The following SCAF11 variants were observed in gnomAD, a reference collection of about 807,000 sequenced individuals.
SCAF11 encodes protein SCAF11.
A neutral mutation model predicts 140.5 loss-of-function variants in SCAF11; 47 were observed. That is an observed-to-expected ratio of 0.33 (90% CI 0.26 to 0.43). SCAF11 has a LOEUF of 0.43. Ranked by LOEUF, SCAF11 falls within the 20% of genes least tolerant of loss-of-function variation. SCAF11 has a pLI of 1.00. For missense variants in SCAF11, 1,645 were observed against 1,705.1 expected (o/e 0.96, Z 0.62); for synonymous variants, 557 against 579.4 (o/e 0.96, Z 0.55).
At chr12:45,922,301 T>C in intron 14 of SCAF11, 107 bp from the exon 15 acceptor site, 1 of 1,458,958 alleles carries the variant, frequency 6.9e-7, no homozygotes, top group Middle Eastern at 2.2e-4. Context: ...CAGACTTATT[T>C]TCATGTTTCA....
At chr12:45,948,801 T>C (rs1049067141) in intron 4 of SCAF11, among the ~76,000 whole-genome samples, 1 of 152,088 alleles carries the variant, frequency 6.6e-6, no homozygotes. Context: ...TGTATATACA[T>C]ATAGGACTCA....
intron 1 of SCAF11, among the ~76,000 whole-genome samples, chr12:45,987,413 T>C (rs1258767304): frequency 6.6e-6 from 1 of 152,224 alleles, no homozygotes; most frequent in East Asian, 1.9e-4. Flanking sequence ...GGTTAATTCA[T>C]TAACTTACAC....
chr12:45,956,028 C>T, intron 3 of SCAF11: 1 of 698,140 alleles, frequency 1.4e-6, no homozygotes, highest in Non-Finnish European at 2.6e-6. Context: ...AAAACACACC[C>T]TACTATTCTG....
chr12:45,981,025 T>C (rs902048105), intron 1 of SCAF11, among the ~76,000 whole-genome samples: 2 of 152,162 alleles, frequency 1.3e-5, no homozygotes, highest in Non-Finnish European at 2.9e-5. Flanking sequence ...ATTAACAAAA[T>C]AAAGAAATAT....
intron 1 of SCAF11, among the ~76,000 whole-genome samples, chr12:45,988,020 G>T (rs1946499587): frequency 6.6e-6 from 1 of 152,200 alleles, no homozygotes; most frequent in African/African-American, 2.4e-5. Flanking sequence ...GCAAGAGAAT[G>T]ATACTGGATA....
chr12:45,928,512 G>A lies in SCAF11; in HGVS notation c.1189C>T (p.Pro397Ser). 1.2e-6 allele frequency: 2 copies of A among 1,613,404 alleles called. No individual in the cohort carries two copies. The highest frequency in any genetic ancestry group is 1.1e-5 in the South Asian group (1 of 90,934). Residue 397 changes from proline (P) to serine (S), a missense_variant, in exon 11 of 15, where the codon CCT becomes TCT. By Grantham distance (74) the Pro-to-Ser change is moderately conservative. Coordinates refer to ENST00000369367, the MANE Select transcript of SCAF11 (RefSeq NM_004719.3). ...KKKLRSSVAA[P>S]EKSSSNDSVD... ...GAATCATTGGAAGATGATTTTTCAGGGGCAGCTACAGAGCTCCGAAGTTTC... is the reference window on the plus strand; with the variant it reads ...GAATCATTGGAAGATGATTTTTCAGAGGCAGCTACAGAGCTCCGAAGTTTC...
Position 45,920,411 on chromosome 12 carries a change from G to C in SCAF11, c.*1637C>G, listed in dbSNP as rs904756859. 2 of 152,136 alleles carry C rather than the reference G, an allele frequency of 1.3e-5. No individual in the cohort carries two copies. Among genetic ancestry groups the C allele is most frequent in the Non-Finnish European group, 2.9e-5 (2 of 68,000 alleles). The allele number at this position is 152,136 out of a possible 1,614,324, so 9.4% of individuals were successfully genotyped here. On this transcript the variant is annotated 3_prime_UTR_variant, in exon 15 of 15. Coordinates refer to ENST00000369367, the MANE Select transcript of SCAF11 (RefSeq NM_004719.3). ...TAAAAAGGTCAGTTTATCTCACTGA[G>C]GCATGTATCTCCTTGGATCTATTAA...
intron 1 of SCAF11, among the ~76,000 whole-genome samples, chr12:45,971,271 G>A (rs538196231): frequency 6.6e-6 from 1 of 152,140 alleles, no homozygotes; most frequent in Non-Finnish European, 1.5e-5. Context: ...TATTTAACAT[G>A]AATATGAGGT....
At chr12:45,948,400 A>G in intron 5 of SCAF11, 37 bp downstream of exon 5, 2 of 1,343,910 alleles carry the variant, frequency 1.5e-6, no homozygotes, top group Middle Eastern at 1.9e-4. Flanking sequence ...CTTCTGTTCC[A>G]CTCATTTGCA....
intron 1 of SCAF11, chr12:45,975,701 A>T (rs1171121627): frequency 6.6e-6 from 1 of 152,424 alleles, no homozygotes; most frequent in Non-Finnish European, 1.5e-5. Context: ...CTTTCTTCAT[A>T]TCAGTGACAA....
chr12:45,932,906 T>C (rs561047896), intron 9 of SCAF11, among the ~76,000 whole-genome samples: 2 of 152,240 alleles, frequency 1.3e-5, no homozygotes, highest in South Asian at 4.1e-4. Context: ...AAATCTAGCA[T>C]ATACACAGCT....
intron 1 of SCAF11, among the ~76,000 whole-genome samples, chr12:45,977,476 T>C (rs1257622509): frequency 6.6e-6 from 1 of 152,046 alleles, no homozygotes; most frequent in African/African-American, 2.4e-5. Flanking sequence ...GATAGAACCA[T>C]TGCAAATCTT....
At position 45,983,757 on chromosome 12, in the gene SCAF11, A is replaced by ACACACG. The variant is rs1409803216; in HGVS notation, c.-22+6595_-22+6596insCGTGTG. Among the ~76,000 whole-genome samples, 35 of 150,634 alleles carry ACACACG rather than the reference A, an allele frequency of 2.3e-4. No individual in the cohort carries two copies. In the East Asian group the frequency reaches 6.0e-3, roughly 26 times the overall value. On this transcript the variant is annotated intron_variant, in intron 1 of 14. Transcript: ENST00000369367. ...CTAAACCTAAAACACACACACACAC[A>ACACACG]CACACACACACACACACACACACAC...
chr12:45,968,015 C>T (rs901714419), intron 1 of SCAF11, among the ~76,000 whole-genome samples: 22 of 152,132 alleles, frequency 1.4e-4, no homozygotes, highest in African/African-American at 5.3e-4. Context: ...GTCAATAGCC[C>T]TAAGAGGTAA....
rs1946121014 is a variant in SCAF11 at position 45,972,901 on chromosome 12, TATATATAGATATATATATAG to T, written c.-21-8733_-21-8714del. 1.5e-4 allele frequency among the ~76,000 whole-genome samples: 4 copies of T among 26,512 alleles called. 1 individual carries two copies. Among genetic ancestry groups the T allele is most frequent in the Admixed American group, 3.1e-4 (1 of 3,268 alleles). 17.4% of individuals were successfully genotyped at this position (26,512 alleles called of 152,430 possible). ...ATATAGATATATATATAGATATATA[TATATATAGATATATATATAG>T]ATATATAGATATATATAGATATATA... On this transcript the variant is annotated intron_variant, in intron 1 of 14. Coordinates refer to ENST00000369367, the MANE Select transcript of SCAF11 (RefSeq NM_004719.3).
Position 45,920,205 on chromosome 12 carries a change from C to T in SCAF11, c.*1843G>A, listed in dbSNP as rs530223499. On this transcript the variant is annotated 3_prime_UTR_variant, in exon 15 of 15. Coordinates refer to ENST00000369367, the MANE Select transcript of SCAF11 (RefSeq NM_004719.3). ...GCTTGGAAATATTTTTATGATTACA[C>T]TCATAACAACAAAGCTTATGAACTA... The T allele has an allele frequency of 3.9e-5, 6 of 152,258 alleles. No homozygotes were observed. In the East Asian group the frequency reaches 1.2e-3, roughly 29 times the overall value. The allele number at this position is 152,258 out of a possible 1,614,324, so 9.4% of individuals were successfully genotyped here. A position where few individuals can be genotyped will look rare whatever the true frequency, so the allele number is the denominator to read the frequency against.
chr12:45,966,331 T>C (rs1945946084), intron 1 of SCAF11, among the ~76,000 whole-genome samples: 1 of 151,968 alleles, frequency 6.6e-6, no homozygotes, highest in African/African-American at 2.4e-5. Context: ...CAGTGATCTT[T>C]TGTGGGATTT....
intron 10 of SCAF11, 124 bp from the exon 11 acceptor site, chr12:45,928,983 CTATT>C: frequency 2.0e-6 from 1 of 499,604 alleles, no homozygotes. Flanking sequence ...ATAAATAAAA[CTATT>C]AATAAATGCA....
At chr12:45,978,883 A>G (rs931809532) in intron 1 of SCAF11, among the ~76,000 whole-genome samples, 3 of 151,902 alleles carry the variant, frequency 2.0e-5, no homozygotes, top group East Asian at 1.9e-4. Context: ...CTGTACAAAA[A>G]CAAACAACAA....
Sources: allele counts gnomAD v4.1 joint callset (sites outside exome capture counted in the v4.1 genomes callset), GRCh38; gene constraint gnomAD v4.1.1; transcripts MANE v1.5; gene names NCBI Gene and HGNC (gene_info 2026-07-23, HGNC 2026-07-21).